Variants in RUVBL1 observed in about 807,000 individuals in gnomAD.
RUVBL1 encodes the protein RuvB like AAA ATPase 1.
A neutral mutation model predicts 52.4 loss-of-function variants in RUVBL1; 4 were observed. The ratio of observed to expected loss-of-function variants is 0.08; its 90% confidence interval spans 0.04 to 0.17. The LOEUF is 0.17. RUVBL1 is among the 10% of genes least tolerant of loss of function. The pLI, the probability that RUVBL1 is intolerant of heterozygous loss-of-function variation, is 1.00. For missense variants in RUVBL1, 298 were observed against 572.8 expected (o/e 0.52, Z 4.90); for synonymous variants, 217 against 214.4 (o/e 1.01, Z -0.10).
At chr3:128,144,910 G>A (rs1944080539) in intron 1 of RUVBL1, among the ~76,000 whole-genome samples, 1 of 152,186 alleles carries the variant, frequency 6.6e-6, no homozygotes, top group African/African-American at 2.4e-5. Context: ...TTCTCTCTTG[G>A]TGCAGGGGCA....
At chr3:128,150,350 A>C (rs1944167345) in intron 1 of RUVBL1, among the ~76,000 whole-genome samples, 1 of 151,964 alleles carries the variant, frequency 6.6e-6, no homozygotes, top group Non-Finnish European at 1.5e-5. Context: ...TGGAATATAT[A>C]TATATCTCCT....
chr3:128,112,470 A>G (rs1257571935), intron 3 of RUVBL1, among the ~76,000 whole-genome samples: 1 of 152,114 alleles, frequency 6.6e-6, no homozygotes, highest in East Asian at 1.9e-4. Flanking sequence ...TCCTCACTCT[A>G]TGACAGGCCA....
At chr3:128,124,960 C>G (rs1943759371), upstream of RUVBL1, among the ~76,000 whole-genome samples, 1 of 148,732 alleles carries the variant, frequency 6.7e-6, no homozygotes, top group African/African-American at 2.5e-5. Context: ...TTGAGACAGA[C>G]CTGAAATCAA....
intron 1 of RUVBL1, among the ~76,000 whole-genome samples, chr3:128,122,344 A>G (rs756167214): frequency 1.3e-5 from 2 of 152,260 alleles, no homozygotes; most frequent in Non-Finnish European, 2.9e-5. Flanking sequence ...AAAGCAGCAC[A>G]GTAAAATGTT....
intron 6 of RUVBL1, 60 bp downstream of exon 6, chr3:128,100,535 G>A (rs1428072603): frequency 1.8e-5 from 27 of 1,518,680 alleles, no homozygotes; most frequent in Non-Finnish European, 2.4e-5. Flanking sequence ...TTCATTCCCA[G>A]ATCTCCACAC....
At chr3:128,151,023 T>G (rs1212899803) in intron 1 of RUVBL1, among the ~76,000 whole-genome samples, 7 of 93,954 alleles carry the variant, frequency 7.5e-5, no homozygotes, top group African/African-American at 1.8e-4. Flanking sequence ...ATTATATATA[T>G]AATATATATT....
chr3:128,121,780 C>T (rs1470470896), intron 1 of RUVBL1, among the ~76,000 whole-genome samples: 3 of 151,440 alleles, frequency 2.0e-5, no homozygotes, highest in Non-Finnish European at 2.9e-5. Flanking sequence ...TAATCCCCAG[C>T]ACTGAAGCTC....
At chr3:128,100,773 G>A in intron 5 of RUVBL1, 29 bp from the exon 6 acceptor site, 1 of 1,613,006 alleles carries the variant, frequency 6.2e-7, no homozygotes, top group South Asian at 1.1e-5. Context: ...ATGAGTGCCT[G>A]GTAAGTTTTC....
intron 9 of RUVBL1, among the ~76,000 whole-genome samples, chr3:128,073,891 G>C (rs1223654345): frequency 3.9e-5 from 6 of 152,220 alleles, no homozygotes; most frequent in Non-Finnish European, 8.8e-5. Flanking sequence ...CCTGTGGAAA[G>C]GAACTAGGAG....
At chr3:128,123,003 C>T (rs1160543905) in intron 1 of RUVBL1, among the ~76,000 whole-genome samples, 2 of 152,144 alleles carry the variant, frequency 1.3e-5, no homozygotes, top group Admixed American at 1.3e-4. Flanking sequence ...AACCAGATTG[C>T]TCTTCTCCAT....
chr3:128,126,360 A>G (rs374928760), upstream of RUVBL1, among the ~76,000 whole-genome samples: 25 of 152,284 alleles, frequency 1.6e-4, no homozygotes, highest in East Asian at 4.1e-3. Context: ...AGCCCGGCCA[A>G]TATGGCAAAA....
intron 1 of RUVBL1, among the ~76,000 whole-genome samples, chr3:128,151,563 T>C (rs1944214195): frequency 6.6e-6 from 1 of 152,056 alleles, no homozygotes; most frequent in Non-Finnish European, 1.5e-5. Flanking sequence ...ACTACTAGAT[T>C]TTTTTTAATG....
chr3:128,149,870 T>C (rs1944160588), intron 1 of RUVBL1, among the ~76,000 whole-genome samples: 1 of 152,252 alleles, frequency 6.6e-6, no homozygotes, highest in South Asian at 2.1e-4. Flanking sequence ...TTTCCAGAGC[T>C]TCTGCCTTTG....
chr3:128,115,841 C>T (rs934472462), intron 2 of RUVBL1, among the ~76,000 whole-genome samples: 2 of 152,082 alleles, frequency 1.3e-5, no homozygotes, highest in Admixed American at 6.5e-5. Context: ...TGAATAAAAC[C>T]GGGACTGGGC....
At chr3:128,107,594 C>A (rs1201570127) in intron 3 of RUVBL1, among the ~76,000 whole-genome samples, 1 of 152,206 alleles carries the variant, frequency 6.6e-6, no homozygotes, top group Non-Finnish European at 1.5e-5. Flanking sequence ...CAAAGACTCT[C>A]AGATATTAAA....
At position 128,123,774 on chromosome 3, in the gene RUVBL1, CAG is replaced by C; in HGVS notation, c.-52_-51del. On this transcript the variant is annotated 5_prime_UTR_variant, in exon 1 of 11. The change abolishes the stop of an existing upstream ORF in the 5' untranslated region. Coordinates refer to ENST00000322623, the MANE Select transcript of RUVBL1 (RefSeq NM_003707.3). ...CAGCGTGGAAAACCAGCAGCTAGGA[CAG>C]TGCGCCCGGCGCCTGAGTTACCATG... 6.5e-7 allele frequency: 1 copy of C among 1,541,704 alleles called. No individual in the cohort carries two copies. Among genetic ancestry groups the C allele is most frequent in the South Asian group, 1.2e-5 (1 of 85,868 alleles).
Position 128,102,570 on chromosome 3 carries a change from T to C in RUVBL1, c.514-922A>G, listed in dbSNP as rs931400396. 7.2e-5 allele frequency among the ~76,000 whole-genome samples: 11 copies of C among 152,308 alleles called. 1 individual carries two copies. The highest frequency in any genetic ancestry group is 2.6e-4 in the African/African-American group (11 of 41,554). On this transcript the variant is annotated intron_variant, in intron 4 of 10. Transcript: ENST00000322623. ...AATTAAAAAGTGAAAACCCAGGACT[T>C]GGTGAAAGAAGCCAGATACAAAAAA...
At chr3:128,128,105 A>G (rs1005681069), upstream of RUVBL1, among the ~76,000 whole-genome samples, 4 of 152,116 alleles carry the variant, frequency 2.6e-5, no homozygotes, top group Non-Finnish European at 5.9e-5. Context: ...TGATCCTCCC[A>G]TCTCAGCCTC....
At chr3:128,121,182 A>ACCT (rs1559828586) in intron 1 of RUVBL1, among the ~76,000 whole-genome samples, 1 of 151,108 alleles carries the variant, frequency 6.6e-6, no homozygotes. Flanking sequence ...TGCAACCTCC[A>ACCT]CCTCCCAGGT....
Sources: allele counts gnomAD v4.1 joint callset (sites outside exome capture counted in the v4.1 genomes callset), GRCh38; gene constraint gnomAD v4.1.1; transcripts MANE v1.5; gene names NCBI Gene and HGNC (gene_info 2026-07-23, HGNC 2026-07-21).